The following CIC variants were observed in gnomAD, a reference collection of about 807,000 sequenced individuals.
CIC encodes the protein protein capicua homolog.
A neutral mutation model predicts 115.7 loss-of-function variants in CIC; 18 were observed. The ratio of observed to expected loss-of-function variants is 0.16; its 90% confidence interval spans 0.11 to 0.23. The LOEUF (loss-of-function observed/expected upper bound fraction) is 0.23, where lower values mean the gene tolerates loss of function less well. Ranked by LOEUF, CIC falls within the 10% of genes least tolerant of loss-of-function variation. CIC has a pLI of 1.00. For synonymous variants in CIC, 1,076 were observed against 923.0 expected (o/e 1.17, Z -3.01); for missense variants, 2,000 against 2,159.3 (o/e 0.93, Z 1.46).
At chr19:42,277,844 C>A (rs2037046244) in intron 2 of CIC, among the ~76,000 whole-genome samples, 1 of 152,216 alleles carries the variant, frequency 6.6e-6, no homozygotes, top group Non-Finnish European at 1.5e-5. Context: ...GCTGAGGTAT[C>A]CAGGCTGCCT....
In CIC at chr19:42,291,076, T is replaced by A. The variant is rs2147267180; in HGVS notation, c.5035T>A (p.Tyr1679Asn). Residue 1679 changes from tyrosine to asparagine, a missense_variant, in exon 11 of 21, where the codon TAT (tyrosine) becomes AAT (asparagine). Tyr to Asn is a moderately radical substitution (Grantham distance 143). Around this residue, in one of 8 missense-constraint regions of CIC, gnomAD observed 1,466 missense variants for 1,390.4 expected, o/e 1.05. Transcript: ENST00000681038. ...VTNLLVGTPG[Y>N]GAPAPPAVQF... ...TAACCTACTGGTGGGCACCCCGGGG[T>A]ATGGGGCCCCTGCGCCCCCTGCTGT... 6.2e-7 allele frequency: 1 copy of A among 1,613,674 alleles called. No homozygotes were observed. Among genetic ancestry groups the A allele is most frequent in the African/African-American group, 1.3e-5 (1 of 74,996 alleles).
At chr19:42,284,957 G>C (rs1403047360) in intron 2 of CIC, among the ~76,000 whole-genome samples, 2 of 152,190 alleles carry the variant, frequency 1.3e-5, no homozygotes, top group Non-Finnish European at 2.9e-5. Context: ...TAGCGGAGTG[G>C]GGCGTATCTG....
In CIC at chr19:42,287,235, T is replaced by C; in HGVS notation, c.3174T>C (p.Asp1058=). Residue 1058 remains aspartate, a synonymous_variant, in exon 4 of 21, where the codon GAT becomes GAC. Coordinates refer to ENST00000681038, the MANE Select transcript of CIC (RefSeq NM_001386298.1). The surrounding 1 kb of genome is among the most constrained non-coding windows in gnomAD (Gnocchi z 8.7). ...ACAGTGAGACAGAGAGTGACCATGA[T>C]GATGCGTGAGTTCCCTGAGGCCTGG... ...RLDSETESDH[D]DAFLSIMSPE... 6.2e-7 allele frequency: 1 copy of C among 1,613,952 alleles called. No homozygotes were observed. Among genetic ancestry groups the C allele is most frequent in the Non-Finnish European group, 8.5e-7 (1 of 1,179,952 alleles).
intron 12 of CIC, 132 bp from the exon 13 acceptor site, chr19:42,291,954 T>C: frequency 2.8e-6 from 4 of 1,408,824 alleles, no homozygotes; most frequent in Non-Finnish European, 4.0e-6. Context: ...CACTGTCATC[T>C]TGCCCATCCT....
chr19:42,293,257 C>G lies in CIC; in HGVS notation c.6498C>G (p.Thr2166=), dbSNP rs1035991766. ...TGCCCCCACCTGCTGAGGAGCGGAC[C>G]AGCGCCAAGGGCCCTGAGACCATGG... ...PPLPPPAEER[T]SAKGPETMAS... Residue 2166 remains threonine (T), a synonymous_variant, in exon 16 of 21, where the codon ACC becomes ACG. Coordinates refer to ENST00000681038, the MANE Select transcript of CIC (RefSeq NM_001386298.1). The G allele has an allele frequency of 1.3e-6, 2 of 1,585,160 alleles. No individual in the cohort carries two copies. Among genetic ancestry groups the G allele is most frequent in the Non-Finnish European group, 1.7e-6 (2 of 1,167,816 alleles).
Position 42,290,859 on chromosome 19 carries a change from T to C in CIC, c.4818T>C (p.Ala1606=), listed in dbSNP as rs1214634158. 6.2e-7 allele frequency: 1 copy of C among 1,612,128 alleles called. No homozygotes were observed. The highest frequency in any genetic ancestry group is 8.5e-7 in the Non-Finnish European group (1 of 1,179,440). Residue 1606 remains alanine, a synonymous_variant, in exon 11 of 21, where the codon GCT becomes GCC. Coordinates refer to ENST00000681038, the MANE Select transcript of CIC (RefSeq NM_001386298.1). The stretch of plus-strand genomic sequence containing the variant: ...AGCCCTTCCCCACCTCTGGCCGGGC[T>C]GAGGCGTCTCCAAATGACACAGCAG... The part of the protein sequence containing the change: ...ASKPFPTSGR[A]EASPNDTAGA...
At chr19:42,292,238 C>T in intron 13 of CIC, 31 bp downstream of exon 13, 1 of 1,613,876 alleles carries the variant, frequency 6.2e-7, no homozygotes, top group Non-Finnish European at 8.5e-7. Flanking sequence ...ACTCAGAGGC[C>T]AGGGAAGGGG....
chr19:42,280,046 A>G lies in CIC; in HGVS notation c.2794+5469A>G, dbSNP rs1286664377. On this transcript the variant is annotated intron_variant, in intron 2 of 20. Coordinates refer to ENST00000681038, the MANE Select transcript of CIC (RefSeq NM_001386298.1). The surrounding 1 kb of genome is among the most constrained non-coding windows in gnomAD (Gnocchi z 4.9). ...GTGCCCGGGTATTAATGGCTCCATT[A>G]GTGGCCGGGAGGGAGGCGCATTAGC... 1.3e-5 allele frequency: 2 copies of G among 152,228 alleles called. No homozygotes were observed. Among genetic ancestry groups the G allele is most frequent in the Non-Finnish European group, 2.9e-5 (2 of 68,056 alleles). The allele number at this position is 152,228 out of a possible 1,614,324, so 9.4% of individuals were successfully genotyped here. A position where few individuals can be genotyped will look rare whatever the true frequency, so the allele number is the denominator to read the frequency against.
At chr19:42,268,802 A>G (rs1337165979), upstream of CIC, among the ~76,000 whole-genome samples, 1 of 152,248 alleles carries the variant, frequency 6.6e-6, no homozygotes, top group Non-Finnish European at 1.5e-5. Context: ...CTAGCCGGTC[A>G]ACAAACGTTC....
intron 2 of CIC, among the ~76,000 whole-genome samples, chr19:42,282,837 C>T (rs1374328962): frequency 7.2e-6 from 1 of 138,804 alleles, no homozygotes; most frequent in Non-Finnish European, 1.5e-5. Context: ...ACAGCAGCCC[C>T]AGTAAGTGTT....
In CIC at chr19:42,287,768, T is replaced by A. The variant is rs756517491; in HGVS notation, c.3492+41T>A. The A allele has an allele frequency of 1.2e-6, 2 of 1,613,992 alleles. No homozygotes were observed. Among genetic ancestry groups the A allele is most frequent in the South Asian group, 2.2e-5 (2 of 91,072 alleles). ...CTTGGCTCCTCCCAGCTTCTTCTGG[T>A]GGGGTGGGTGAGTGAAGGGTTGCCC... is the stretch of plus-strand genomic sequence containing the variant. On this transcript the variant is annotated intron_variant, in intron 6 of 20. Coordinates refer to ENST00000681038, the MANE Select transcript of CIC (RefSeq NM_001386298.1). This position sits in a 1 kb window ranked among gnomAD's most constrained non-coding sequence, Gnocchi z 8.7.
At chr19:42,277,001 A>G (rs2037005171) in intron 2 of CIC, among the ~76,000 whole-genome samples, 1 of 152,084 alleles carries the variant, frequency 6.6e-6, no homozygotes. Flanking sequence ...TCATCTCCCA[A>G]CCTCTAGACT....
intron 2 of CIC, chr19:42,284,347 G>T (rs946889759): frequency 2.8e-5 from 4 of 143,340 alleles, no homozygotes; most frequent in Non-Finnish European, 6.3e-5. Flanking sequence ...TGCCCCGCCT[G>T]CCCCGCCCGC....
At chr19:42,289,826 A>G in intron 9 of CIC, 22 bp from the exon 10 acceptor site, 1 of 1,561,236 alleles carries the variant, frequency 6.4e-7, no homozygotes, top group Non-Finnish European at 8.7e-7. Flanking sequence ...CCCTCCCCAT[A>G]CTGTTCCCTC....
chr19:42,277,800 C>A (rs2037044324), intron 2 of CIC, among the ~76,000 whole-genome samples: 1 of 152,208 alleles, frequency 6.6e-6, no homozygotes, highest in Non-Finnish European at 1.5e-5. Context: ...CCTATCCTGG[C>A]AGTTCTGAGG....
Position 42,273,832 on chromosome 19 carries a change from G to A in CIC, c.2049G>A (p.Pro683=), listed in dbSNP as rs770190941. The A allele has an allele frequency of 3.5e-5, 14 of 397,880 alleles. No homozygotes were observed. The highest frequency in any genetic ancestry group is 6.2e-5 in the African/African-American group (3 of 48,440). 24.6% of individuals were successfully genotyped at this position (397,880 alleles called of 1,614,324 possible). A position where few individuals can be genotyped will look rare whatever the true frequency, so the allele number is the denominator to read the frequency against. ...CACCAGACCTGGGCCCCCACCCACC[G>A]CCACCTGCCCCCCGAGAGCGCCACT... is the stretch of plus-strand genomic sequence containing the variant. ...LTPPDLGPHP[P]PPAPRERHSS... The change falls in exon 2 of 21, where the codon CCG becomes CCA. Residue 683 remains proline (P), a synonymous_variant. Coordinates refer to ENST00000681038, the MANE Select transcript of CIC (RefSeq NM_001386298.1).
In CIC at chr19:42,290,741, G is replaced by A. The variant is rs765185428; in HGVS notation, c.4700G>A (p.Gly1567Glu). 3.1e-6 allele frequency: 5 copies of A among 1,612,400 alleles called. No homozygotes were observed. Among genetic ancestry groups the A allele is most frequent in the Non-Finnish European group, 3.4e-6 (4 of 1,179,748 alleles). ...PSAPAPSLAY[G>E]APAAPLSRPA... ...GCCCCCGCCCCATCACTGGCCTATG[G>A]GGCCCCAGCAGCTCCCCTGTCCCGT... Residue 1567 changes from glycine (G) to glutamate (E), a missense_variant, in exon 11 of 21, where the codon GGG becomes GAG. Physicochemically the swap from Gly to Glu is moderately conservative, Grantham distance 98. Around this residue, in one of 8 missense-constraint regions of CIC, gnomAD observed 1,466 missense variants for 1,390.4 expected, o/e 1.05. Transcript: ENST00000681038.
chr19:42,282,991 A>G (rs756972216), intron 2 of CIC, among the ~76,000 whole-genome samples: 10 of 152,046 alleles, frequency 6.6e-5, no homozygotes, highest in Admixed American at 1.3e-4. Flanking sequence ...AGAGTGGCCA[A>G]TGAGTGTCAG....
intron 16 of CIC, 49 bp from the exon 17 acceptor site, chr19:42,293,543 C>T: frequency 6.2e-7 from 1 of 1,612,956 alleles, no homozygotes; most frequent in African/African-American, 1.3e-5. Flanking sequence ...GCCTTTGCCC[C>T]AGAGTCTGAG....
Sources: gnomAD v4.1 joint callset for allele counts (sites outside exome capture counted in the v4.1 genomes callset) on GRCh38, gnomAD v4.1.1 for gene constraint, gnomAD v4.1.1 regional missense constraint, Gnocchi (gnomAD v3.1) non-coding constraint, MANE v1.5 for transcripts, NCBI Gene and HGNC (gene_info 2026-07-23, HGNC 2026-07-21) for gene names.